The following ACIN1 variants were observed in gnomAD, a reference collection of about 807,000 sequenced individuals.
ACIN1 encodes apoptotic chromatin condensation inducer 1.
Under a neutral mutation model 146.6 loss-of-function variants are expected in ACIN1, and 16 were observed. That is an observed-to-expected ratio of 0.11 (90% CI 0.07 to 0.17). ACIN1 has a LOEUF of 0.17. Among genes scored for constraint, ACIN1 ranks in the 10% least tolerant of loss-of-function variants. The pLI is 1.00. For synonymous variants in ACIN1, 569 were observed against 582.7 expected (o/e 0.98, Z 0.34); for missense variants, 1,357 against 1,609.3 (o/e 0.84, Z 2.68).
intron 2 of ACIN1, 107 bp downstream of exon 2, chr14:23,093,372 T>C (rs1439222239): frequency 8.6e-7 from 1 of 1,159,504 alleles, no homozygotes; most frequent in African/African-American, 1.5e-5. Flanking sequence ...TAAGAGAACT[T>C]AGGAAAACAG....
At position 23,059,058 on chromosome 14, in the gene ACIN1, T is replaced by C. The variant is rs945788732; in HGVS notation, c.*90A>G. The C allele has an allele frequency of 7.9e-6, 10 of 1,269,672 alleles. No individual in the cohort carries two copies. In the Admixed American group the frequency reaches 1.9e-4, roughly 24 times the overall value. The allele number at this position is 1,269,672 out of a possible 1,614,324, so 78.7% of individuals were successfully genotyped here. On this transcript the variant is annotated 3_prime_UTR_variant, in exon 19 of 19. Transcript: ENST00000605057. ...ATAGGTGATGTGAAAGACCCTTGGC[T>C]CCAGGGTGGTGGAGACTGTGCCTAT...
Position 23,078,810 on chromosome 14 carries a change from A to G in ACIN1, c.2007+10T>C, listed in dbSNP as rs2047867337. 1 of 1,611,596 alleles carries G rather than the reference A, an allele frequency of 6.2e-7. No individual in the cohort carries two copies. On this transcript the variant is annotated intron_variant, in intron 7 of 18. Coordinates refer to ENST00000605057, the MANE Select transcript of ACIN1 (RefSeq NM_001386863.1). ...CCATCTCTGTGTAGGGAGGGGTCAC[A>G]ATAGCCTACCCGCTCAGGCTGTAAC... is the stretch of plus-strand genomic sequence containing the variant.
intron 2 of ACIN1, among the ~76,000 whole-genome samples, chr14:23,092,030 A>G (rs1032081997): frequency 2.6e-5 from 4 of 152,212 alleles, no homozygotes; most frequent in African/African-American, 9.6e-5. Context: ...GCATTTAGAC[A>G]AAGTTATAAC....
chr14:23,093,857 T>A (rs1446870470), intron 1 of ACIN1, among the ~76,000 whole-genome samples: 1 of 152,204 alleles, frequency 6.6e-6, no homozygotes, highest in Non-Finnish European at 1.5e-5. Context: ...TTCTGCACTT[T>A]CGCCAAGTGC....
In ACIN1 at chr14:23,058,966, G is replaced by C. The variant is rs2047179670; in HGVS notation, c.*182C>G. ...GGGAGGGTCGGGCTAAGTCCCAAGA[G>C]ATAGGTTAAGGGGGTGTGTTTGGGG... On this transcript the variant is annotated 3_prime_UTR_variant, in exon 19 of 19. Coordinates refer to ENST00000605057, the MANE Select transcript of ACIN1 (RefSeq NM_001386863.1). 1 of 605,356 alleles carries C rather than the reference G, an allele frequency of 1.7e-6. No individual in the cohort carries two copies. The highest frequency in any genetic ancestry group is 2.9e-5 in the Admixed American group (1 of 33,946). The allele number at this position is 605,356 out of a possible 1,614,324, so 37.5% of individuals were successfully genotyped here.
intron 8 of ACIN1, among the ~76,000 whole-genome samples, chr14:23,069,965 CA>C (rs1348427532): frequency 1.3e-5 from 2 of 152,140 alleles, no homozygotes; most frequent in Non-Finnish European, 2.9e-5. Flanking sequence ...AATAGTCCCA[CA>C]AAAGTGACTG....
intron 4 of ACIN1, among the ~76,000 whole-genome samples, chr14:23,083,727 TC>T (rs2048011770): frequency 6.6e-6 from 1 of 151,938 alleles, no homozygotes; most frequent in South Asian, 2.1e-4. Context: ...AGACTCCGTC[TC>T]AAAAAAACAA....
chr14:23,094,352 C>T (rs189894457), intron 1 of ACIN1: 2 of 435,392 alleles, frequency 4.6e-6, no homozygotes, highest in Admixed American at 1.3e-4. Context: ...GATTCAAAAT[C>T]CCCAATATAT....
rs768644124 is a variant in ACIN1, at chr14:23,089,987, G to C, written c.431C>G (p.Ser144Trp). The change falls in exon 4 of 19, where the codon TCG becomes TGG. Residue 144 changes from serine (S) to tryptophan (W), a missense_variant. This residue lies in a region of ACIN1 where 771 missense variants were observed against 746.6 expected (regional missense o/e 1.03). Transcript: ENST00000605057. The stretch of plus-strand genomic sequence containing the variant: ...GTGGGGAGGGAGATACGTACTGGGC[G>C]AATGTCTGCTGAGCTCCAGCTCTGG... ...ERPELELSRH[S>W]PRKSSSISEE... 35 of 1,611,110 alleles carry C rather than the reference G, an allele frequency of 2.2e-5. No individual in the cohort carries two copies. The South Asian group carries it at 3.5e-4, about 16-fold the overall frequency.
At chr14:23,065,655 A>C (rs1594748631) in intron 10 of ACIN1, among the ~76,000 whole-genome samples, 2 of 152,250 alleles carry the variant, frequency 1.3e-5, no homozygotes, top group East Asian at 3.8e-4. Flanking sequence ...GGAGTCCCTG[A>C]AACTCATTCC....
intron 8 of ACIN1, chr14:23,076,378 A>T (rs946183804): frequency 1.3e-5 from 2 of 152,148 alleles, no homozygotes; most frequent in African/African-American, 2.4e-5. Context: ...CAATCTAAGT[A>T]TTTGCCCAAG....
chr14:23,061,049 C>T, intron 18 of ACIN1, 35 bp downstream of exon 18: 1 of 1,598,522 alleles, frequency 6.3e-7, no homozygotes, highest in East Asian at 2.2e-5. Flanking sequence ...AGCCTCAGTG[C>T]CACTAGGGAG....
rs1201079982 is a variant in ACIN1 at position 23,059,448 on chromosome 14, G to A, written c.3552C>T (p.Ala1184=). 1.2e-6 allele frequency: 2 copies of A among 1,613,544 alleles called. No homozygotes were observed. Among genetic ancestry groups the A allele is most frequent in the Non-Finnish European group, 1.7e-6 (2 of 1,179,928 alleles). The change falls in exon 19 of 19, where the codon GCC becomes GCT. Residue 1184 remains alanine (A), a synonymous_variant. Transcript: ENST00000605057. ...GCTTCTCCCGCTCCTTGGCCCGTTCGGCCCGCTCTGCCTCTTTCTGAACGA... is the reference window on the plus strand; with the variant it reads ...GCTTCTCCCGCTCCTTGGCCCGTTCAGCCCGCTCTGCCTCTTTCTGAACGA... ...SQIVQKEAER[A]ERAKEREKRR...
Position 23,067,854 on chromosome 14 carries a change from T to A in ACIN1, c.2265+1622A>T, listed in dbSNP as rs1349104624. 1 of 985,690 alleles carries A rather than the reference T, an allele frequency of 1.0e-6. No homozygotes were observed. Among genetic ancestry groups the A allele is most frequent in the Admixed American group, 6.2e-5 (1 of 16,260 alleles). The allele number at this position is 985,690 out of a possible 1,614,324, so 61.1% of individuals were successfully genotyped here. ...CCGAGTGGGATCATGGAGCCTCTGA[T>A]GAAGGTAGCCTGGGGGTAGGTGAAT... is the stretch of plus-strand genomic sequence containing the variant. On this transcript the variant is annotated intron_variant, in intron 9 of 18. Coordinates refer to ENST00000605057, the MANE Select transcript of ACIN1 (RefSeq NM_001386863.1). This position sits in a 1 kb window ranked among gnomAD's most constrained non-coding sequence, Gnocchi z 4.6.
In ACIN1 at chr14:23,079,752, G is replaced by A; in HGVS notation, c.1583C>T (p.Ser528Phe). The A allele has an allele frequency of 2.5e-6, 4 of 1,614,186 alleles. No homozygotes were observed. Among genetic ancestry groups the A allele is most frequent in the East Asian group, 2.2e-5 (1 of 44,888 alleles). Residue 528 changes from serine to phenylalanine, a missense_variant, in exon 6 of 19, where the codon TCC becomes TTC. Ser to Phe is a radical substitution (Grantham distance 155). Coordinates refer to ENST00000605057, the MANE Select transcript of ACIN1 (RefSeq NM_001386863.1). ...SSSSRSSSSSSSSSRSRSRSP... is the reference protein window; with the variant it reads ...SSSSRSSSSSFSSSRSRSRSP... ...GCGAGATCTTGATCTAGAACTGGAGGAGGAAGATGAGGAGGACCGGCTAGA... is the reference window on the plus strand; with the variant it reads ...GCGAGATCTTGATCTAGAACTGGAGAAGGAAGATGAGGAGGACCGGCTAGA...
intron 8 of ACIN1, 141 bp downstream of exon 8, chr14:23,078,010 G>GTCTA: frequency 4.1e-6 from 3 of 733,554 alleles, no homozygotes; most frequent in Non-Finnish European, 6.6e-6. Context: ...AGTAACTGAA[G>GTCTA]TCTAGCCTTT....
intron 9 of ACIN1, 199 bp from the exon 10 acceptor site, chr14:23,066,207 C>G: frequency 1.9e-6 from 1 of 529,044 alleles, no homozygotes; most frequent in Non-Finnish European, 3.4e-6. Context: ...AGAATCAATG[C>G]AAGTTAGAGA....
chr14:23,076,986 G>C (rs528385523), intron 8 of ACIN1, among the ~76,000 whole-genome samples: 1 of 152,314 alleles, frequency 6.6e-6, no homozygotes, highest in East Asian at 1.9e-4. Context: ...AAAGGAAGTA[G>C]AGTGAACTTT....
upstream of ACIN1, chr14:23,095,174 C>T (rs1292754718): frequency 8.1e-6 from 13 of 1,614,124 alleles, no homozygotes; most frequent in Non-Finnish European, 1.1e-5. Context: ...TTTCCGCCAA[C>T]GCCCTTCGAA....
Sources: allele counts gnomAD v4.1 joint callset (sites outside exome capture counted in the v4.1 genomes callset), GRCh38; gene constraint gnomAD v4.1.1; regional missense constraint gnomAD v4.1.1; non-coding constraint Gnocchi (gnomAD v3.1); transcripts MANE v1.5; gene names NCBI Gene and HGNC (gene_info 2026-07-23, HGNC 2026-07-21).